PARD3B: variants seen among roughly 807,000 people sequenced by gnomAD.
The protein encoded by PARD3B is partitioning defective 3 homolog B.
Under a neutral mutation model 130.2 loss-of-function variants are expected in PARD3B, and 103 were observed. The observed-to-expected ratio is 0.79, with a 90% CI of 0.67 to 0.93. The LOEUF (loss-of-function observed/expected upper bound fraction) is 0.93, where lower values mean the gene tolerates loss of function less well. PARD3B is among the 40% of genes least tolerant of loss of function. PARD3B has a pLI of 0.00. For synonymous variants in PARD3B, 583 were observed against 553.2 expected, an observed-to-expected ratio of 1.05 and a Z score of -0.76; for missense variants, 1,609 against 1,499.2, an observed-to-expected ratio of 1.07 and a Z score of -1.21.
Position 205,258,389 on chromosome 2 carries a change from A to G in PARD3B, c.2185+12567A>G, listed in dbSNP as rs1311917555. 6.6e-6 allele frequency among the ~76,000 whole-genome samples: 1 copy of G among 152,182 alleles called. No homozygotes were observed. Among genetic ancestry groups the G allele is most frequent in the Non-Finnish European group, 1.5e-5 (1 of 68,030 alleles). ...TTCACTCTGATTCAATTCTCAGGTC[A>G]AATGTTCTTTCTTCAAAGACAATTT... On this transcript the variant is annotated intron_variant, in intron 16 of 22. Transcript: ENST00000406610. This position sits in a 1 kb window ranked among gnomAD's most constrained non-coding sequence, Gnocchi z 4.9.
At chr2:205,510,243 A>T (rs2050539487) in intron 21 of PARD3B, among the ~76,000 whole-genome samples, 1 of 152,220 alleles carries the variant, frequency 6.6e-6, no homozygotes, top group South Asian at 2.1e-4. Context: ...TAGTGTCTAA[A>T]CATGTAGGAA....
chr2:205,418,970 T>G (rs2106084076), intron 19 of PARD3B, among the ~76,000 whole-genome samples: 1 of 152,332 alleles, frequency 6.6e-6, no homozygotes, highest in South Asian at 2.1e-4. Context: ...AACTATAATC[T>G]TAGTAGCCTA....
At chr2:205,582,841 GA>G (rs1467055416) in intron 22 of PARD3B, among the ~76,000 whole-genome samples, 2 of 151,064 alleles carry the variant, frequency 1.3e-5, no homozygotes, top group African/African-American at 4.9e-5. Flanking sequence ...GCAGGTGAGG[GA>G]AAAAAAAGAA....
intron 18 of PARD3B, among the ~76,000 whole-genome samples, chr2:205,327,611 C>T (rs1230955681): frequency 2.0e-5 from 3 of 152,148 alleles, no homozygotes; most frequent in African/African-American, 4.8e-5. Flanking sequence ...AGCAGTCTGG[C>T]GCCATACTCC....
chr2:204,891,934 A>G (rs1444504566), intron 2 of PARD3B, among the ~76,000 whole-genome samples: 2 of 152,178 alleles, frequency 1.3e-5, no homozygotes, highest in Admixed American at 6.5e-5. Flanking sequence ...GAAAATTACC[A>G]TGTCTTTGTA....
intron 18 of PARD3B, among the ~76,000 whole-genome samples, chr2:205,349,277 A>G (rs150197201): frequency 6.6e-6 from 1 of 152,288 alleles, no homozygotes; most frequent in Admixed American, 6.5e-5. Flanking sequence ...GGCATGCAAA[A>G]TGTATCATAG....
intron 3 of PARD3B, among the ~76,000 whole-genome samples, chr2:204,986,605 A>T (rs915569890): frequency 6.6e-6 from 1 of 152,256 alleles, no homozygotes; most frequent in African/African-American, 2.4e-5. Flanking sequence ...TATGCCTGTT[A>T]GCATTCCAAG....
chr2:205,172,589 G>T (rs2035236278), intron 12 of PARD3B, among the ~76,000 whole-genome samples: 2 of 152,164 alleles, frequency 1.3e-5, no homozygotes, highest in Non-Finnish European at 2.9e-5. Flanking sequence ...GATGTAACAG[G>T]TCTATAATTT....
In PARD3B at chr2:205,575,207, C is replaced by T. The variant is rs906678451; in HGVS notation, c.3260+21804C>T. 1.3e-5 allele frequency among the ~76,000 whole-genome samples: 2 copies of T among 151,772 alleles called. No individual in the cohort carries two copies. The highest frequency in any genetic ancestry group is 2.1e-4 in the South Asian group (1 of 4,822). On this transcript the variant is annotated intron_variant, in intron 22 of 22. Coordinates refer to ENST00000406610, the MANE Select transcript of PARD3B (RefSeq NM_001302769.2). The surrounding 1 kb of genome is among the most constrained non-coding windows in gnomAD (Gnocchi z 4.6). The stretch of plus-strand genomic sequence containing the variant: ...CATATATATACAATATAGATAGATA[C>T]ACATACACACTGTTTTTAGTGCAGT...
chr2:204,815,695 A>T (rs957764921), intron 2 of PARD3B, among the ~76,000 whole-genome samples: 8 of 151,942 alleles, frequency 5.3e-5, no homozygotes, highest in Non-Finnish European at 1.2e-4. Flanking sequence ...GCAGCATCCC[A>T]CTGACTTTGA....
intron 18 of PARD3B, chr2:205,348,025 G>A (rs978389870): frequency 6.6e-6 from 1 of 152,164 alleles, no homozygotes; most frequent in African/African-American, 2.4e-5. Context: ...AGGAGCTCCC[G>A]ACCAAAGATC....
rs1444804951 is a variant in PARD3B at position 205,104,509 on chromosome 2, A to G, written c.588A>G (p.Thr196=). Residue 196 remains threonine, a synonymous_variant, in exon 5 of 23, where the codon ACA becomes ACG. Transcript: ENST00000406610. ...TAACTTCGCCAAGAACTAAGGACAC[A>G]TTGAGGTATTCTCTTTATACAGATA... ...ELLTSPRTKD[T]LSDMTRTVEI... is the part of the protein sequence containing the mutation. 5 of 1,529,184 alleles carry G rather than the reference A, an allele frequency of 3.3e-6. No individual in the cohort carries two copies. The South Asian group carries it at 3.4e-5, about 10-fold the overall frequency. The allele number at this position is 1,529,184 out of a possible 1,614,324, so 94.7% of individuals were successfully genotyped here.
chr2:204,785,852 G>A (rs1391683018), intron 2 of PARD3B, among the ~76,000 whole-genome samples: 5 of 152,138 alleles, frequency 3.3e-5, no homozygotes, highest in African/African-American at 1.2e-4. Context: ...GGTGGCTCAC[G>A]CCTATAATCT....
At chr2:204,961,993 G>A (rs1416468020) in intron 2 of PARD3B, among the ~76,000 whole-genome samples, 1 of 152,062 alleles carries the variant, frequency 6.6e-6, no homozygotes, top group African/African-American at 2.4e-5. Flanking sequence ...GCAAAAAATG[G>A]GGTGGGACCT....
intron 16 of PARD3B, among the ~76,000 whole-genome samples, chr2:205,266,226 T>C (rs1189952677): frequency 6.6e-6 from 1 of 152,126 alleles, no homozygotes; most frequent in African/African-American, 2.4e-5. Context: ...TTTTGAAAGC[T>C]GAAATGGAAT....
At chr2:205,308,436 C>T (rs973151948) in intron 18 of PARD3B, among the ~76,000 whole-genome samples, 5 of 151,974 alleles carry the variant, frequency 3.3e-5, no homozygotes, top group Non-Finnish European at 7.4e-5. Flanking sequence ...GAAACCCCGT[C>T]TCTACTAAAA....
At chr2:205,520,527 G>C (rs1575233519) in intron 21 of PARD3B, among the ~76,000 whole-genome samples, 1 of 152,210 alleles carries the variant, frequency 6.6e-6, no homozygotes, top group East Asian at 1.9e-4. Context: ...GTGGCTGGAG[G>C]CTTAGGCCTG....
chr2:204,738,487 G>A (rs986270261), intron 2 of PARD3B, among the ~76,000 whole-genome samples: 42 of 152,110 alleles, frequency 2.8e-4, no homozygotes, highest in Admixed American at 2.0e-3. Flanking sequence ...ATATTTTTGC[G>A]TAATAAATTA....
At chr2:204,971,811 T>G (rs1192494328) in intron 3 of PARD3B, among the ~76,000 whole-genome samples, 4 of 151,270 alleles carry the variant, frequency 2.6e-5, no homozygotes, top group Admixed American at 2.6e-4. Flanking sequence ...GCACCACTCT[T>G]TTGCTACTGT....
Sources: gnomAD v4.1 joint callset for allele counts (sites outside exome capture counted in the v4.1 genomes callset) on GRCh38, gnomAD v4.1.1 for gene constraint, Gnocchi (gnomAD v3.1) non-coding constraint, MANE v1.5 for transcripts, NCBI Gene and HGNC (gene_info 2026-07-23, HGNC 2026-07-21) for gene names.